The following DYRK1A variants were observed in gnomAD, a reference collection of about 807,000 sequenced individuals.
DYRK1A encodes the protein dual specificity tyrosine-phosphorylation-regulated kinase 1A.
DYRK1A carries 9 observed loss-of-function variants against 79.7 expected under a neutral mutation model. That is an observed-to-expected ratio of 0.11 (90% CI 0.07 to 0.20). The LOEUF is 0.20. Ranked by LOEUF, DYRK1A falls within the 10% of genes least tolerant of loss-of-function variation. The pLI is 1.00. For missense variants in DYRK1A, 622 were observed against 956.0 expected, an observed-to-expected ratio of 0.65 and a Z score of 4.61; for synonymous variants, 349 against 329.7, an observed-to-expected ratio of 1.06 and a Z score of -0.63.
chr21:37,385,265 G>A (rs1432536796), intron 1 of DYRK1A, among the ~76,000 whole-genome samples: 1 of 152,198 alleles, frequency 6.6e-6, no homozygotes, highest in East Asian at 1.9e-4. Flanking sequence ...TGGGTCAGAT[G>A]TCTGAGCACA....
intron 4 of DYRK1A, among the ~76,000 whole-genome samples, chr21:37,478,543 ATTTC>A (rs1220053268): frequency 1.5e-4 from 23 of 152,038 alleles, no homozygotes; most frequent in Admixed American, 1.4e-3. Flanking sequence ...ATATACTGTT[ATTTC>A]TTTTTTTAAT....
rs34646709 is a variant in DYRK1A, at chr21:37,501,166, G to GTTTTTTTTTTTTT, written c.1213-4106_1213-4094dup. On this transcript the variant is annotated intron_variant, in intron 9 of 11. Transcript: ENST00000647188. Reference sequence around the variant, plus strand: ...TTATATGTTTTTTTTGTTGTTGTTGGTTTTTTTTTTTTTTTTTTTTTTTAA... The same window carrying GTTTTTTTTTTTTT: ...TTATATGTTTTTTTTGTTGTTGTTGGTTTTTTTTTTTTTTTTTTTTTTTTTTTTTTTTTTTTAA... Among the ~76,000 whole-genome samples the GTTTTTTTTTTTTT allele has an allele frequency of 1.2e-3, 109 of 93,970 alleles. 11 individuals are homozygous for GTTTTTTTTTTTTT. Among genetic ancestry groups the GTTTTTTTTTTTTT allele is most frequent in the African/African-American group, 4.8e-3 (102 of 21,354 alleles). 61.6% of individuals were successfully genotyped at this position (93,970 alleles called of 152,430 possible). A position where few individuals can be genotyped will look rare whatever the true frequency, so the allele number is the denominator to read the frequency against.
chr21:37,511,506 T>G (rs898530328), intron 11 of DYRK1A, among the ~76,000 whole-genome samples: 1 of 152,114 alleles, frequency 6.6e-6, no homozygotes, highest in Non-Finnish European at 1.5e-5. Context: ...GCTAGGTAGA[T>G]AGTAGTCCTT....
intron 6 of DYRK1A, among the ~76,000 whole-genome samples, chr21:37,489,181 G>C (rs1459951333): frequency 1.3e-5 from 2 of 152,102 alleles, no homozygotes; most frequent in Non-Finnish European, 2.9e-5. Context: ...GTTTATTCCA[G>C]ATAGATCTGT....
intron 2 of DYRK1A, among the ~76,000 whole-genome samples, chr21:37,443,479 C>A (rs947787782): frequency 1.1e-4 from 17 of 152,076 alleles, no homozygotes; most frequent in African/African-American, 3.6e-4. Context: ...TGTCGGGTGC[C>A]GAGTATTTTT....
chr21:37,476,375 TTTA>T (rs1191246312), intron 3 of DYRK1A, among the ~76,000 whole-genome samples: 3 of 152,380 alleles, frequency 2.0e-5, no homozygotes, highest in Non-Finnish European at 4.4e-5. Context: ...TTATTGTTAC[TTTA>T]TTATTAAGTT....
chr21:37,379,071 G>T (rs1255735225), intron 1 of DYRK1A, among the ~76,000 whole-genome samples: 1 of 152,116 alleles, frequency 6.6e-6, no homozygotes, highest in Non-Finnish European at 1.5e-5. Context: ...GAGAGGGAGG[G>T]AGAGTGAGTT....
chr21:37,441,382 A>T (rs749645959), intron 2 of DYRK1A, among the ~76,000 whole-genome samples: 1 of 151,946 alleles, frequency 6.6e-6, no homozygotes, highest in Non-Finnish European at 1.5e-5. Flanking sequence ...TTTGTGTTTA[A>T]TGTGATTATT....
chr21:37,420,901 C>T (rs2050457894), intron 2 of DYRK1A, among the ~76,000 whole-genome samples: 1 of 152,104 alleles, frequency 6.6e-6, no homozygotes, highest in Non-Finnish European at 1.5e-5. Context: ...CACCCTCCCC[C>T]TCTTATCCTT....
At chr21:37,459,795 G>C (rs977183913) in intron 2 of DYRK1A, among the ~76,000 whole-genome samples, 4 of 152,180 alleles carry the variant, frequency 2.6e-5, no homozygotes, top group African/African-American at 9.7e-5. Context: ...TCTTCTCTGT[G>C]TCTCTGCAGG....
intron 9 of DYRK1A, among the ~76,000 whole-genome samples, chr21:37,497,958 GA>G (rs539086692): frequency 1.3e-5 from 2 of 151,938 alleles, no homozygotes; most frequent in Non-Finnish European, 2.9e-5. Context: ...TTGCTTTTAA[GA>G]GATAAATTTT....
At chr21:37,486,357 T>C in intron 5 of DYRK1A, 110 bp from the exon 6 acceptor site, 1 of 889,848 alleles carries the variant, frequency 1.1e-6, no homozygotes, top group Non-Finnish European at 1.6e-6. Flanking sequence ...AAAATAATTA[T>C]AAAAACATAT....
intron 1 of DYRK1A, among the ~76,000 whole-genome samples, chr21:37,386,019 C>T (rs555035861): frequency 3.9e-5 from 6 of 152,196 alleles, no homozygotes; most frequent in East Asian, 1.9e-4. Flanking sequence ...ACTTTATAAA[C>T]GTACACATAC....
intron 2 of DYRK1A, among the ~76,000 whole-genome samples, chr21:37,430,770 C>T (rs2050754967): frequency 6.6e-6 from 1 of 152,164 alleles, no homozygotes; most frequent in Non-Finnish European, 1.5e-5. Flanking sequence ...TCCTCACAGG[C>T]ATTTCTTTGG....
At chr21:37,407,267 T>C (rs2050165767) in intron 1 of DYRK1A, among the ~76,000 whole-genome samples, 1 of 152,184 alleles carries the variant, frequency 6.6e-6, no homozygotes, top group South Asian at 2.1e-4. Context: ...AGCCTGAAGG[T>C]AATTTTATAC....
chr21:37,433,848 TA>T (rs1216406922), intron 2 of DYRK1A, among the ~76,000 whole-genome samples: 1 of 152,254 alleles, frequency 6.6e-6, no homozygotes, highest in Non-Finnish European at 1.5e-5. Context: ...CTTTGCTTTT[TA>T]TCTGTGGGAT....
intron 1 of DYRK1A, among the ~76,000 whole-genome samples, chr21:37,373,635 T>A (rs940066595): frequency 5.9e-5 from 9 of 152,214 alleles, no homozygotes; most frequent in African/African-American, 2.2e-4. Flanking sequence ...TCTCACTACA[T>A]CCACAGTCCA....
intron 5 of DYRK1A, among the ~76,000 whole-genome samples, chr21:37,482,250 A>G (rs2052672247): frequency 6.6e-6 from 1 of 152,198 alleles, no homozygotes; most frequent in Non-Finnish European, 1.5e-5. Flanking sequence ...TCAGCCAGAT[A>G]TCGGGCAAAA....
chr21:37,403,163 C>T (rs983144476), intron 1 of DYRK1A, among the ~76,000 whole-genome samples: 1 of 151,560 alleles, frequency 6.6e-6, no homozygotes, highest in Admixed American at 6.6e-5. Context: ...TAAATTTTGC[C>T]CTTTGGTTAT....
Sources: gnomAD v4.1 joint callset for allele counts (sites outside exome capture counted in the v4.1 genomes callset) on GRCh38, gnomAD v4.1.1 for gene constraint, MANE v1.5 for transcripts, NCBI Gene and HGNC (gene_info 2026-07-23, HGNC 2026-07-21) for gene names.